The following HMBOX1 variants were observed in gnomAD, a reference collection of about 807,000 sequenced individuals.
HMBOX1 encodes the protein homeobox-containing protein 1.
A neutral mutation model predicts 54.5 loss-of-function variants in HMBOX1; 14 were observed. The observed-to-expected ratio is 0.26, with a 90% CI of 0.17 to 0.40. The LOEUF (loss-of-function observed/expected upper bound fraction) is 0.40, where lower values mean the gene tolerates loss of function less well. HMBOX1 is among the 10% of genes least tolerant of loss of function. The pLI is 1.00. For synonymous variants in HMBOX1, 160 were observed against 181.0 expected (o/e 0.88, Z 0.93); for missense variants, 332 against 514.4 (o/e 0.65, Z 3.43).
chr8:29,001,319 G>A (rs1305795010), intron 4 of HMBOX1, among the ~76,000 whole-genome samples: 2 of 152,310 alleles, frequency 1.3e-5, no homozygotes, highest in East Asian at 1.9e-4. Context: ...GGAGGCCAAG[G>A]CGGGTGGCTC....
intron 1 of HMBOX1, among the ~76,000 whole-genome samples, chr8:28,914,399 C>T (rs985395130): frequency 6.6e-6 from 1 of 152,058 alleles, no homozygotes; most frequent in African/African-American, 2.4e-5. Flanking sequence ...ATAGATACCC[C>T]ATCTATTAAA....
At chr8:28,960,447 A>AT (rs1405831817) in intron 1 of HMBOX1, among the ~76,000 whole-genome samples, 1 of 151,866 alleles carries the variant, frequency 6.6e-6, no homozygotes, top group Non-Finnish European at 1.5e-5. Flanking sequence ...TTTGTGATCA[A>AT]TTATGGTAAT....
At chr8:29,013,308 G>A (rs1488765594) in intron 5 of HMBOX1, among the ~76,000 whole-genome samples, 1 of 152,154 alleles carries the variant, frequency 6.6e-6, no homozygotes, top group Admixed American at 6.5e-5. Flanking sequence ...GCTGATTTTT[G>A]TGTTTTTAGT....
intron 4 of HMBOX1, among the ~76,000 whole-genome samples, chr8:28,986,056 A>G (rs953344533): frequency 6.6e-6 from 1 of 152,170 alleles, no homozygotes; most frequent in African/African-American, 2.4e-5. Flanking sequence ...GCACTGCCCA[A>G]AAACTTCTCT....
At position 29,003,565 on chromosome 8, in the gene HMBOX1, T is replaced by TATATATATATATATATATAC. The variant is rs1334565050; in HGVS notation, c.587-5495_587-5494insATATATACATATATATATAT. 6.1e-5 allele frequency among the ~76,000 whole-genome samples: 8 copies of TATATATATATATATATATAC among 131,644 alleles called. 1 individual carries two copies. The East Asian group carries it at 2.0e-3, about 33-fold the overall frequency. 86.4% of individuals were successfully genotyped at this position (131,644 alleles called of 152,430 possible). A position where few individuals can be genotyped will look rare whatever the true frequency, so the allele number is the denominator to read the frequency against. On this transcript the variant is annotated intron_variant, in intron 4 of 9. Transcript: ENST00000287701. ...AATTTTTCTGTATTAAATATATATA[T>TATATATATATATATATATAC]ATATATATATATGAATGCATATTTT... is the stretch of plus-strand genomic sequence containing the variant.
At chr8:29,046,308 CTT>C (rs1805554899) in intron 7 of HMBOX1, 1 of 152,224 alleles carries the variant, frequency 6.6e-6, no homozygotes, top group African/African-American at 2.4e-5. Context: ...TGTGCAGAAA[CTT>C]GAACTCTCCC....
intron 1 of HMBOX1, among the ~76,000 whole-genome samples, chr8:28,948,743 CATG>C (rs1405896790): frequency 6.6e-6 from 1 of 152,100 alleles, no homozygotes; most frequent in Non-Finnish European, 1.5e-5. Context: ...GACTGGAAAA[CATG>C]ATTGTTAATA....
chr8:29,015,992 T>G (rs1834937890), intron 5 of HMBOX1, among the ~76,000 whole-genome samples: 1 of 152,252 alleles, frequency 6.6e-6, no homozygotes, highest in Admixed American at 6.5e-5. Context: ...ATGACAAACT[T>G]ACTTGTTTAA....
chr8:28,998,943 T>A (rs1297315216), intron 4 of HMBOX1, among the ~76,000 whole-genome samples: 1 of 152,154 alleles, frequency 6.6e-6, no homozygotes, highest in African/African-American at 2.4e-5. Flanking sequence ...TACATTTATA[T>A]ATTGTGTGCC....
intron 3 of HMBOX1, among the ~76,000 whole-genome samples, chr8:28,973,827 TTTTTTTTG>T (rs1827923123): frequency 2.8e-5 from 2 of 70,724 alleles, no homozygotes; most frequent in African/African-American, 9.9e-5. Context: ...TTTTTTTTTT[TTTTTTTTG>T]AGACAGTCTC....
chr8:28,947,897 T>C (rs927663891), intron 1 of HMBOX1, among the ~76,000 whole-genome samples: 6 of 152,152 alleles, frequency 3.9e-5, no homozygotes, highest in Non-Finnish European at 8.8e-5. Context: ...GTCCCTTATA[T>C]CTACATGGCT....
chr8:28,977,558 T>C (rs1291659527), intron 3 of HMBOX1, among the ~76,000 whole-genome samples: 3 of 152,236 alleles, frequency 2.0e-5, no homozygotes, highest in Non-Finnish European at 2.9e-5. Context: ...TCAGCAGTTA[T>C]TTTGTTTGAC....
chr8:28,956,805 T>G (rs1756008609), intron 1 of HMBOX1, among the ~76,000 whole-genome samples: 2 of 152,240 alleles, frequency 1.3e-5, no homozygotes, highest in Admixed American at 6.5e-5. Flanking sequence ...TTAAACTGTC[T>G]GCTCTAACCC....
chr8:28,971,851 A>G (rs538453940), intron 3 of HMBOX1, among the ~76,000 whole-genome samples: 2 of 152,312 alleles, frequency 1.3e-5, no homozygotes, highest in Non-Finnish European at 2.9e-5. Context: ...GTAGAAGGGA[A>G]AGAGCCTGCA....
At chr8:28,990,321 A>ACC (rs1328317738) in intron 4 of HMBOX1, among the ~76,000 whole-genome samples, 1 of 152,146 alleles carries the variant, frequency 6.6e-6, no homozygotes, top group Non-Finnish European at 1.5e-5. Context: ...TAAGTTTTTC[A>ACC]TAGTTGCCCT....
chr8:28,918,185 A>G (rs1306018284), intron 1 of HMBOX1, among the ~76,000 whole-genome samples: 1 of 152,108 alleles, frequency 6.6e-6, no homozygotes, highest in Non-Finnish European at 1.5e-5. Context: ...GAGCTATTCA[A>G]CTATTCATGT....
intron 1 of HMBOX1, among the ~76,000 whole-genome samples, chr8:28,941,813 C>G (rs982304430): frequency 6.6e-6 from 1 of 152,082 alleles, no homozygotes; most frequent in East Asian, 1.9e-4. Context: ...ATATTTTTGT[C>G]GATTGATTGC....
chr8:29,040,999 A>G (rs1004069923), intron 6 of HMBOX1, among the ~76,000 whole-genome samples: 7 of 152,178 alleles, frequency 4.6e-5, no homozygotes, highest in African/African-American at 1.7e-4. Flanking sequence ...AATATTTTCT[A>G]GCTGGTCCAA....
At chr8:29,024,087 A>G (rs1801638856) in intron 6 of HMBOX1, among the ~76,000 whole-genome samples, 1 of 152,208 alleles carries the variant, frequency 6.6e-6, no homozygotes, top group Admixed American at 6.5e-5. Flanking sequence ...TCTTCTGTAA[A>G]GAACTTTCCC....
Sources: gnomAD v4.1 joint callset for allele counts (sites outside exome capture counted in the v4.1 genomes callset) on GRCh38, gnomAD v4.1.1 for gene constraint, MANE v1.5 for transcripts, NCBI Gene and HGNC (gene_info 2026-07-23, HGNC 2026-07-21) for gene names.